Variants in FAM240A observed in about 807,000 individuals in gnomAD.
The protein encoded by FAM240A is protein FAM240A.
In FAM240A, 8 loss-of-function variants were observed where a neutral mutation model predicts 7.3. The observed-to-expected ratio is 1.09, with a 90% CI of 0.64 to 1.97. The LOEUF is 1.97. Ranked by LOEUF, FAM240A falls within the 30% of genes most tolerant of loss-of-function variation. FAM240A has a pLI of 0.00. For missense variants in FAM240A, 90 were observed against 102.2 expected, an observed-to-expected ratio of 0.88 and a Z score of 0.52; for synonymous variants, 32 against 35.9, an observed-to-expected ratio of 0.89 and a Z score of 0.38.
At position 46,620,763 on chromosome 3, in the gene FAM240A, C is replaced by T. The variant is rs193160952; in HGVS notation, c.161+3435C>T. Among the ~76,000 whole-genome samples, 34 of 152,098 alleles carry T rather than the reference C, an allele frequency of 2.2e-4. No homozygotes were observed. In the East Asian group the frequency reaches 6.1e-3, roughly 27 times the overall value. ...CAAATAGGAATGTGTGCGCTTTATTCGGGTCCTGATTCAACCAACCTAACG... is the reference window on the plus strand; with the variant it reads ...CAAATAGGAATGTGTGCGCTTTATTTGGGTCCTGATTCAACCAACCTAACG... On this transcript the variant is annotated intron_variant, in intron 2 of 2. Coordinates refer to ENST00000640551, the MANE Select transcript of FAM240A (RefSeq NM_001195442.2).
At chr3:46,619,360 T>G (rs549396456) in intron 2 of FAM240A, among the ~76,000 whole-genome samples, 1 of 152,228 alleles carries the variant, frequency 6.6e-6, no homozygotes, top group East Asian at 1.9e-4. Flanking sequence ...CTCATCATTA[T>G]TTTCATCATA....
chr3:46,617,418 T>G lies in FAM240A; in HGVS notation c.161+90T>G. 4.1e-6 allele frequency: 5 copies of G among 1,214,148 alleles called. No homozygotes were observed. In the South Asian group the frequency reaches 5.4e-5, roughly 13 times the overall value. 75.2% of individuals were successfully genotyped at this position (1,214,148 alleles called of 1,614,324 possible). The stretch of plus-strand genomic sequence containing the variant: ...AACAGTTTTAGGTTCACAGCAAAAT[T>G]GAGCAGAAGGTACTAAGAGTTCCCT... On this transcript the variant is annotated intron_variant, in intron 2 of 2. Coordinates refer to ENST00000640551, the MANE Select transcript of FAM240A (RefSeq NM_001195442.2).
chr3:46,620,711 T>A (rs1697684395), intron 2 of FAM240A, among the ~76,000 whole-genome samples: 2 of 152,134 alleles, frequency 1.3e-5, no homozygotes, highest in East Asian at 1.9e-4. Flanking sequence ...AATTTCCAGA[T>A]TAAAGAAATC....
Position 46,625,315 on chromosome 3 carries a change from AG to A in FAM240A, c.*98del. 1 of 809,232 alleles carries A rather than the reference AG, an allele frequency of 1.2e-6. No homozygotes were observed. Among genetic ancestry groups the A allele is most frequent in the East Asian group, 3.0e-5 (1 of 33,356 alleles). The allele number at this position is 809,232 out of a possible 1,614,324, so 50.1% of individuals were successfully genotyped here. A position where few individuals can be genotyped will look rare whatever the true frequency, so the allele number is the denominator to read the frequency against. Reference sequence around the variant, plus strand: ...CCTGAGTCCCTTTGCTATACCAATCAGCTCTCACACTATTGTTTCCCCACCT... The same window carrying A: ...CCTGAGTCCCTTTGCTATACCAATCACTCTCACACTATTGTTTCCCCACCT... On this transcript the variant is annotated 3_prime_UTR_variant, in exon 3 of 3. Coordinates refer to ENST00000640551, the MANE Select transcript of FAM240A (RefSeq NM_001195442.2).
In FAM240A at chr3:46,622,665, G is replaced by A. The variant is rs556178853; in HGVS notation, c.162-2463G>A. Among the ~76,000 whole-genome samples the A allele has an allele frequency of 9.9e-5, 15 of 152,206 alleles. No homozygotes were observed. In the South Asian group the frequency reaches 2.1e-3, roughly 21 times the overall value. ...TTTCTCCACTACATTGTCTTTGCAC[G>A]TTTGTTGAAAATTAATAACTCATCT... On this transcript the variant is annotated intron_variant, in intron 2 of 2. Transcript: ENST00000640551.
At chr3:46,619,315 G>A (rs1287480953) in intron 2 of FAM240A, among the ~76,000 whole-genome samples, 1 of 152,148 alleles carries the variant, frequency 6.6e-6, no homozygotes, top group Non-Finnish European at 1.5e-5. Context: ...TGGGTCCCTG[G>A]GGTGAGCAAC....
intron 1 of FAM240A, 79 bp from the exon 2 acceptor site, chr3:46,617,104 A>T: frequency 1.0e-6 from 1 of 967,478 alleles, no homozygotes; most frequent in Non-Finnish European, 1.5e-6. Flanking sequence ...GTTTTAATTT[A>T]CATTTCCCTG....
Position 46,612,608 on chromosome 3 carries a change from G to A in FAM240A, c.-76G>A. 1 of 1,195,296 alleles carries A rather than the reference G, an allele frequency of 8.4e-7. No individual in the cohort carries two copies. The allele number at this position is 1,195,296 out of a possible 1,614,324, so 74.0% of individuals were successfully genotyped here. A position where few individuals can be genotyped will look rare whatever the true frequency, so the allele number is the denominator to read the frequency against. On this transcript the variant is annotated 5_prime_UTR_variant, in exon 1 of 3. Coordinates refer to ENST00000640551, the MANE Select transcript of FAM240A (RefSeq NM_001195442.2). ...TTTGCTGAACGTGAATTGGCTCCTG[G>A]GGCAGCACAGATGCCTCACAGGCGG... is the stretch of plus-strand genomic sequence containing the variant.
intron 1 of FAM240A, among the ~76,000 whole-genome samples, chr3:46,616,014 A>G (rs1697626032): frequency 1.3e-5 from 2 of 152,254 alleles, no homozygotes; most frequent in South Asian, 2.1e-4. Context: ...GGTCATGGCC[A>G]TCTCATGTGG....
chr3:46,612,974 A>T (rs1697583612), intron 1 of FAM240A, among the ~76,000 whole-genome samples: 1 of 152,204 alleles, frequency 6.6e-6, no homozygotes, highest in African/African-American at 2.4e-5. Context: ...ACAAATACTC[A>T]CGGAAACACG....
intron 1 of FAM240A, among the ~76,000 whole-genome samples, chr3:46,616,842 A>G (rs1697635277): frequency 6.6e-6 from 1 of 152,210 alleles, no homozygotes; most frequent in South Asian, 2.1e-4. Flanking sequence ...TCTTTTTTAT[A>G]TAATTACTTC....
chr3:46,621,099 G>A (rs1489306015), intron 2 of FAM240A, among the ~76,000 whole-genome samples: 2 of 151,634 alleles, frequency 1.3e-5, no homozygotes, highest in African/African-American at 4.8e-5. Flanking sequence ...TCTAAAAAAC[G>A]TTATCTTGAA....
intron 2 of FAM240A, among the ~76,000 whole-genome samples, chr3:46,618,623 C>T (rs1331485344): frequency 6.6e-6 from 1 of 152,008 alleles, no homozygotes; most frequent in East Asian, 1.9e-4. Context: ...GGCGGATCAC[C>T]TGAGGTCGAG....
intron 1 of FAM240A, among the ~76,000 whole-genome samples, chr3:46,615,145 C>T (rs1697613164): frequency 6.6e-6 from 1 of 152,130 alleles, no homozygotes; most frequent in Non-Finnish European, 1.5e-5. Context: ...CATCTGGCTT[C>T]AAACCCCTTT....
intron 2 of FAM240A, among the ~76,000 whole-genome samples, chr3:46,620,001 G>A (rs1697676916): frequency 6.6e-6 from 1 of 152,092 alleles, no homozygotes; most frequent in Non-Finnish European, 1.5e-5. Flanking sequence ...CCACGGAACT[G>A]GCTCTTGGAT....
At chr3:46,624,347 C>T (rs1301129251) in intron 2 of FAM240A, among the ~76,000 whole-genome samples, 1 of 146,090 alleles carries the variant, frequency 6.8e-6, no homozygotes, top group Non-Finnish European at 1.5e-5. Context: ...TTTCGGCTCA[C>T]TGCAACCTCC....
At chr3:46,615,653 C>T (rs1046380328) in intron 1 of FAM240A, among the ~76,000 whole-genome samples, 1 of 152,176 alleles carries the variant, frequency 6.6e-6, no homozygotes, top group Non-Finnish European at 1.5e-5. Context: ...GCCAGCTTCT[C>T]CAGGCTCCCA....
intron 2 of FAM240A, among the ~76,000 whole-genome samples, chr3:46,618,882 TACACACACACACAC>T (rs748467427): frequency 5.2e-5 from 4 of 77,250 alleles, no homozygotes; most frequent in Admixed American, 1.3e-4. Flanking sequence ...TATATATATA[TACACACACACACAC>T]ACACACACAC....
intron 1 of FAM240A, 79 bp downstream of exon 1, chr3:46,612,777 G>A: frequency 8.4e-7 from 1 of 1,192,650 alleles, no homozygotes; most frequent in Non-Finnish European, 1.2e-6. Context: ...CCAAGTTGGT[G>A]CTGATTCACT....
Sources: gnomAD v4.1 joint callset for allele counts (sites outside exome capture counted in the v4.1 genomes callset) on GRCh38, gnomAD v4.1.1 for gene constraint, MANE v1.5 for transcripts, NCBI Gene and HGNC (gene_info 2026-07-23, HGNC 2026-07-21) for gene names.